The following CUBN variants were observed in gnomAD, a reference collection of about 807,000 sequenced individuals.
CUBN encodes the protein 460 kDa receptor.
Under a neutral mutation model 405.3 loss-of-function variants are expected in CUBN, and 282 were observed. The observed-to-expected ratio is 0.70, with a 90% CI of 0.63 to 0.77. The LOEUF (loss-of-function observed/expected upper bound fraction) is 0.77. CUBN is among the 30% of genes least tolerant of loss of function. The pLI is 0.00. For missense variants in CUBN, 4,514 were observed against 4,475.2 expected (o/e 1.01, Z -0.25); for synonymous variants, 1,684 against 1,617.0 (o/e 1.04, Z -0.99).
At chr10:16,894,839 T>C (rs1448489457) in intron 54 of CUBN, among the ~76,000 whole-genome samples, 5 of 152,198 alleles carry the variant, frequency 3.3e-5, no homozygotes, top group Admixed American at 3.3e-4. Flanking sequence ...TATAATTGTC[T>C]CTTTCATTTA....
chr10:17,105,456 C>A lies in CUBN; in HGVS notation c.1230+1G>T. 6.6e-7 allele frequency: 1 copy of A among 1,523,850 alleles called. No homozygotes were observed. The highest frequency in any genetic ancestry group is 9.1e-7 in the Non-Finnish European group (1 of 1,096,826). The allele number at this position is 1,523,850 out of a possible 1,614,324, so 94.4% of individuals were successfully genotyped here. The stretch of plus-strand genomic sequence containing the variant: ...GTCCACAGGAAAAACAAAGGACTCA[C>A]GATGCATTGTCCATTTAGACAGGGG... On this transcript the variant is annotated splice_donor_variant, in intron 11 of 66. Transcript: ENST00000377833. LOFTEE classifies it high-confidence loss of function.
intron 2 of CUBN, 146 bp from the exon 3 acceptor site, chr10:17,128,070 T>C (rs1837241737): frequency 8.4e-6 from 5 of 597,624 alleles, no homozygotes; most frequent in South Asian, 6.0e-5. Context: ...AACAACACCA[T>C]GCGTAATAAA....
At chr10:17,077,953 C>A (rs555659152) in intron 17 of CUBN, among the ~76,000 whole-genome samples, 14 of 152,242 alleles carry the variant, frequency 9.2e-5, no homozygotes, top group African/African-American at 3.4e-4. Flanking sequence ...ATAATCTGAT[C>A]TTTTAAGATC....
chr10:16,858,501 G>A (rs1839926866), intron 59 of CUBN, among the ~76,000 whole-genome samples: 1 of 151,908 alleles, frequency 6.6e-6, no homozygotes, highest in Non-Finnish European at 1.5e-5. Flanking sequence ...TGTTATTTTT[G>A]GTGAAGACAG....
At chr10:16,970,659 A>T (rs1707283) in intron 31 of CUBN, among the ~76,000 whole-genome samples, 120,034 of 149,098 alleles carry the variant, frequency 0.81, 48,055 homozygotes, top group Non-Finnish European at 0.86. Context: ...GCCATTCCGT[A>T]TCCTGTACAT....
chr10:16,865,315 C>A (rs1195663203), intron 59 of CUBN, among the ~76,000 whole-genome samples: 2 of 151,998 alleles, frequency 1.3e-5, no homozygotes, highest in Non-Finnish European at 2.9e-5. Context: ...TTCATTCTGT[C>A]CTTGTTATAT....
chr10:17,039,430 G>T (rs940656148), intron 27 of CUBN, among the ~76,000 whole-genome samples: 1 of 152,148 alleles, frequency 6.6e-6, no homozygotes, highest in African/African-American at 2.4e-5. Flanking sequence ...GGGTTACAAA[G>T]TTAGTAGGAG....
chr10:16,923,931 G>C (rs1445937367), intron 43 of CUBN, among the ~76,000 whole-genome samples: 1 of 152,064 alleles, frequency 6.6e-6, no homozygotes, highest in Non-Finnish European at 1.5e-5. Context: ...AATTAGCTGG[G>C]CATGATGGTG....
At chr10:16,954,583 G>C (rs774102227) in intron 31 of CUBN, 35 bp from the exon 32 acceptor site, 1 of 1,610,274 alleles carries the variant, frequency 6.2e-7, no homozygotes, top group South Asian at 1.1e-5. Context: ...CAGTGGTTCA[G>C]ATTCACATCT....
chr10:16,994,860 T>A (rs1214243928), intron 28 of CUBN, among the ~76,000 whole-genome samples: 2 of 152,114 alleles, frequency 1.3e-5, no homozygotes, highest in Admixed American at 6.5e-5. Context: ...GAGACCAAGG[T>A]GGGCAGATCA....
intron 54 of CUBN, among the ~76,000 whole-genome samples, chr10:16,893,213 G>A (rs993344585): frequency 6.6e-6 from 1 of 152,122 alleles, no homozygotes; most frequent in Non-Finnish European, 1.5e-5. Context: ...TTAAACAAAT[G>A]TTTACAGACA....
Position 17,105,469 on chromosome 10 carries a change from ATTT to A in CUBN, c.1215_1217del (p.Asn406del). ...ACAAAGGACTCACGATGCATTGTCC[ATTT>A]AGACAGGGGTGACTTAGGCAAATAT... On this transcript the variant is annotated inframe_deletion, in exon 11 of 67. Transcript: ENST00000377833. 1.3e-6 allele frequency: 2 copies of A among 1,589,424 alleles called. No individual in the cohort carries two copies. The highest frequency in any genetic ancestry group is 1.7e-6 in the Non-Finnish European group (2 of 1,157,096).
At chr10:16,896,960 C>A (rs1841201314) in intron 54 of CUBN, among the ~76,000 whole-genome samples, 1 of 152,158 alleles carries the variant, frequency 6.6e-6, no homozygotes, top group Non-Finnish European at 1.5e-5. Context: ...GCCTATTCAG[C>A]ATGTTCTTTA....
At position 17,101,970 on chromosome 10, in the gene CUBN, A is replaced by G. The variant is rs754583629; in HGVS notation, c.1530+1155T>C. Among the ~76,000 whole-genome samples, 58 of 152,324 alleles carry G rather than the reference A, an allele frequency of 3.8e-4. No individual in the cohort carries two copies. In the Middle Eastern group the frequency reaches 0.01, roughly 27 times the overall value. Reference sequence around the variant, plus strand: ...AGCAAAGACATTTGATAAGAAAACTATCTTAATATCAGTGGCCATTTTTGC... The same window carrying G: ...AGCAAAGACATTTGATAAGAAAACTGTCTTAATATCAGTGGCCATTTTTGC... On this transcript the variant is annotated intron_variant, in intron 13 of 66. Transcript: ENST00000377833.
chr10:17,073,375 C>T (rs1333618435), intron 17 of CUBN, among the ~76,000 whole-genome samples: 1 of 151,234 alleles, frequency 6.6e-6, no homozygotes, highest in Admixed American at 6.6e-5. Context: ...GTTAGCATTC[C>T]TGTTTTATTA....
At chr10:16,884,346 T>G (rs1048900462) in intron 56 of CUBN, among the ~76,000 whole-genome samples, 2 of 151,798 alleles carry the variant, frequency 1.3e-5, no homozygotes, top group Non-Finnish European at 2.9e-5. Flanking sequence ...TCATTTTGCC[T>G]CAAGAAGTGC....
intron 22 of CUBN, among the ~76,000 whole-genome samples, chr10:17,052,804 G>T (rs1440272984): frequency 1.4e-5 from 2 of 142,164 alleles, no homozygotes; most frequent in Non-Finnish European, 3.0e-5. Flanking sequence ...GAGAGAGAGA[G>T]AATTAGTGAT....
intron 54 of CUBN, among the ~76,000 whole-genome samples, chr10:16,891,982 A>T (rs1164916378): frequency 6.6e-6 from 1 of 152,108 alleles, no homozygotes; most frequent in African/African-American, 2.4e-5. Flanking sequence ...ACTATTCAAC[A>T]TTTTCTTCAC....
intron 28 of CUBN, among the ~76,000 whole-genome samples, chr10:16,991,794 G>C (rs1833596885): frequency 6.6e-6 from 1 of 152,118 alleles, no homozygotes. Context: ...CTGTTGGTGG[G>C]ACTGTAAACT....
Sources: allele counts gnomAD v4.1 joint callset (sites outside exome capture counted in the v4.1 genomes callset), GRCh38; gene constraint gnomAD v4.1.1; transcripts MANE v1.5; gene names NCBI Gene and HGNC (gene_info 2026-07-23, HGNC 2026-07-21).